FASTKD3: variants seen among roughly 807,000 people sequenced by gnomAD.
FASTKD3 encodes FAST kinase domains 3, also known as FAST kinase domain-containing protein 3, mitochondrial.
Under a neutral mutation model 49.7 loss-of-function variants are expected in FASTKD3, and 47 were observed. That is an observed-to-expected ratio of 0.95 (90% CI 0.75 to 1.21). The LOEUF is 1.21. FASTKD3 is among the 50% of genes most tolerant of loss of function. The pLI is 0.00. For synonymous variants in FASTKD3, 284 were observed against 288.6 expected (o/e 0.98, Z 0.16); for missense variants, 748 against 765.7 (o/e 0.98, Z 0.27).
Position 7,866,012 on chromosome 5 carries a change from T to TA in FASTKD3, c.1439-30dup, listed in dbSNP as rs755003199. The TA allele has an allele frequency of 1.9e-6, 3 of 1,542,200 alleles. No individual in the cohort carries two copies. In the South Asian group the frequency reaches 3.4e-5, roughly 17 times the overall value. On this transcript the variant is annotated intron_variant, in intron 2 of 6. Coordinates refer to ENST00000264669, the MANE Select transcript of FASTKD3 (RefSeq NM_024091.4). ...AAACAGAAAGCATCCCAGTCATAGTTACGTCTGAATTGAGGTATGTATGAG... is the reference window on the plus strand; with the variant it reads ...AAACAGAAAGCATCCCAGTCATAGTTAACGTCTGAATTGAGGTATGTATGAG...
Position 7,866,825 on chromosome 5 carries a change from T to C in FASTKD3, c.1259A>G (p.Tyr420Cys), listed in dbSNP as rs749691419. Reference protein sequence around the residue: ...ALMEPFGKLNYLPPNASALFR... With the variant: ...ALMEPFGKLNCLPPNASALFR... Reference sequence around the variant, plus strand: ...TAAAGCAGAGGCATTTGGTGGCAAATAATTGAGTTTCCCAAATGGTTCCAT... The same window carrying C: ...TAAAGCAGAGGCATTTGGTGGCAAACAATTGAGTTTCCCAAATGGTTCCAT... The change falls in exon 2 of 7, where the codon TAT (tyrosine) becomes TGT (cysteine). Residue 420 changes from tyrosine (Y) to cysteine (C), a missense_variant. Around this residue, in one of 3 missense-constraint regions of FASTKD3, gnomAD observed 564 missense variants for 562.8 expected, o/e 1.00. Coordinates refer to ENST00000264669, the MANE Select transcript of FASTKD3 (RefSeq NM_024091.4). 1.2e-6 allele frequency: 2 copies of C among 1,614,118 alleles called. No individual in the cohort carries two copies. The highest frequency in any genetic ancestry group is 1.7e-6 in the Non-Finnish European group (2 of 1,180,022).
intron 3 of FASTKD3, among the ~76,000 whole-genome samples, chr5:7,865,619 G>C (rs1364797251): frequency 6.6e-6 from 1 of 152,198 alleles, no homozygotes; most frequent in African/African-American, 2.4e-5. Flanking sequence ...CTAAAACCCT[G>C]TAAAACCTTC....
Position 7,867,235 on chromosome 5 carries a change from A to C in FASTKD3, c.849T>G (p.Phe283Leu), listed in dbSNP as rs775458114. ...TCAGGTTGGAAACTATTGATAGGGAAAAGTTGTTTATCTTATTTAAAAATG... is the reference window on the plus strand; with the variant it reads ...TCAGGTTGGAAACTATTGATAGGGACAAGTTGTTTATCTTATTTAAAAATG... ...HQTFLNKINN[F>L]SLSIVSNLSP... Residue 283 changes from phenylalanine to leucine, a missense_variant, in exon 2 of 7, where the codon TTT becomes TTG. Physicochemically the swap from Phe to Leu is conservative, Grantham distance 22 (BLOSUM62 0). Around this residue, in one of 3 missense-constraint regions of FASTKD3, gnomAD observed 564 missense variants for 562.8 expected, o/e 1.00. Transcript: ENST00000264669. 9 of 1,613,924 alleles carry C rather than the reference A, an allele frequency of 5.6e-6. No individual in the cohort carries two copies. Among genetic ancestry groups the C allele is most frequent in the Admixed American group, 1.7e-5 (1 of 60,000 alleles).
intron 5 of FASTKD3, 38 bp downstream of exon 5, chr5:7,861,545 G>T: frequency 2.1e-6 from 3 of 1,405,920 alleles, no homozygotes; most frequent in Non-Finnish European, 9.5e-7. Context: ...TAGCCTCAAC[G>T]AGTCTTGTAA....
In FASTKD3 at chr5:7,867,342, A is replaced by AT. The variant is rs1561110014; in HGVS notation, c.741dup (p.Leu248IlefsTer14). Reference sequence around the variant, plus strand: ...ATATCCTCCGGGGTAAATGTTTCCAATTTTTCACCTTGAAGTTGATTTATA... The same window carrying AT: ...ATATCCTCCGGGGTAAATGTTTCCAATTTTTTCACCTTGAAGTTGATTTATA... On this transcript the variant is annotated frameshift_variant, in exon 2 of 7. Coordinates refer to ENST00000264669, the MANE Select transcript of FASTKD3 (RefSeq NM_024091.4). LOFTEE classifies it high-confidence loss of function. The AT allele has an allele frequency of 1.9e-6, 3 of 1,614,062 alleles. No individual in the cohort carries two copies. In the East Asian group the frequency reaches 6.7e-5, roughly 36 times the overall value.
Position 7,865,893 on chromosome 5 carries a change from T to G in FASTKD3, c.1524+5A>C. On this transcript the variant is annotated splice_donor_5th_base_variant and intron_variant, in intron 3 of 6. Coordinates refer to ENST00000264669, the MANE Select transcript of FASTKD3 (RefSeq NM_024091.4). The stretch of plus-strand genomic sequence containing the variant: ...AATAAAGCCACATATAGTTCATGCT[T>G]TTACCTTATAGAAAGGGCATTCCAG... The G allele has an allele frequency of 6.2e-7, 1 of 1,611,544 alleles. No homozygotes were observed. The highest frequency in any genetic ancestry group is 8.5e-7 in the Non-Finnish European group (1 of 1,177,716).
Position 7,859,271 on chromosome 5 carries a change from A to G in FASTKD3, c.*164T>C. 1 of 398,626 alleles carries G rather than the reference A, an allele frequency of 2.5e-6. No individual in the cohort carries two copies. Among genetic ancestry groups the G allele is most frequent in the East Asian group, 3.7e-5 (1 of 26,854 alleles). The allele number at this position is 398,626 out of a possible 1,614,324, so 24.7% of individuals were successfully genotyped here. A position where few individuals can be genotyped will look rare whatever the true frequency, so the allele number is the denominator to read the frequency against. On this transcript the variant is annotated 3_prime_UTR_variant, in exon 7 of 7. Transcript: ENST00000264669. ...TAAATTAAAATTAATTTTAAATTTT[A>G]CCACAATAAATGTATACATAGTATA...
At chr5:7,865,077 C>T (rs1481214359) in intron 3 of FASTKD3, among the ~76,000 whole-genome samples, 2 of 151,810 alleles carry the variant, frequency 1.3e-5, no homozygotes, top group South Asian at 2.1e-4. Context: ...TGATATACTG[C>T]GCATAAAAGC....
At chr5:7,861,883 G>T in intron 4 of FASTKD3, 1 of 781,862 alleles carries the variant, frequency 1.3e-6, no homozygotes, top group Non-Finnish European at 1.8e-6. Context: ...CTAAACCACA[G>T]AATGGGTTCT....
intron 3 of FASTKD3, among the ~76,000 whole-genome samples, chr5:7,864,433 G>A (rs986106662): frequency 6.6e-6 from 1 of 151,922 alleles, no homozygotes; most frequent in Non-Finnish European, 1.5e-5. Context: ...AGACAGATTC[G>A]ACTACAGAAC....
At chr5:7,864,270 A>C (rs988964553) in intron 3 of FASTKD3, among the ~76,000 whole-genome samples, 1 of 147,770 alleles carries the variant, frequency 6.8e-6, no homozygotes, top group Non-Finnish European at 1.5e-5. Context: ...CAACATGAAC[A>C]TAATAAGTAT....
rs754287661 is a variant in FASTKD3, at chr5:7,868,974, C to A, written c.-114+5G>T. 4 of 825,208 alleles carry A rather than the reference C, an allele frequency of 4.8e-6. No individual in the cohort carries two copies. Among genetic ancestry groups the A allele is most frequent in the South Asian group, 2.7e-5 (2 of 72,936 alleles). The allele number at this position is 825,208 out of a possible 1,614,324, so 51.1% of individuals were successfully genotyped here. A position where few individuals can be genotyped will look rare whatever the true frequency, so the allele number is the denominator to read the frequency against. On this transcript the variant is annotated splice_donor_5th_base_variant and intron_variant, in intron 1 of 6. Coordinates refer to ENST00000264669, the MANE Select transcript of FASTKD3 (RefSeq NM_024091.4). ...ACTGCGCGGAGACCCCGCGTTGACA[C>A]CTACCGCGCTCTGCCGGGCAATCAC...
At position 7,866,721 on chromosome 5, in the gene FASTKD3, A is replaced by C. The variant is rs1246200685; in HGVS notation, c.1363T>G (p.Cys455Gly). ...PKSLLKLLHS[C>G]SLNECHPVNF... ...ACTGGATGGCATTCATTAAGTGAAC[A>C]TGAATGAAGAAGTTTCAATAATGAT... Residue 455 changes from cysteine (C) to glycine (G), a missense_variant, in exon 2 of 7, where the codon TGT becomes GGT. By Grantham distance (159) the Cys-to-Gly change is radical. Coordinates refer to ENST00000264669, the MANE Select transcript of FASTKD3 (RefSeq NM_024091.4). 2 of 1,613,402 alleles carry C rather than the reference A, an allele frequency of 1.2e-6. No homozygotes were observed. The highest frequency in any genetic ancestry group is 2.2e-5 in the East Asian group (1 of 44,900).
chr5:7,862,939 AG>A lies in FASTKD3; in HGVS notation c.1582del (p.Leu528TrpfsTer13). The A allele has an allele frequency of 6.2e-7, 1 of 1,614,104 alleles. No individual in the cohort carries two copies. On this transcript the variant is annotated frameshift_variant, in exon 4 of 7. Coordinates refer to ENST00000264669, the MANE Select transcript of FASTKD3 (RefSeq NM_024091.4). LOFTEE classifies it high-confidence loss of function. ...VKSFLTPCCS[L>X]ETPVDSQLYR... ...AAGCTGAGAATCCACAGGGGTCTCC[AG>A]GGAACAGCATGGGGTAAGAAATGAC...
At position 7,869,017 on chromosome 5, in the gene FASTKD3, G is replaced by A. The variant is rs1747330975; in HGVS notation, c.-152C>T. The A allele has an allele frequency of 1.6e-6, 2 of 1,242,824 alleles. No individual in the cohort carries two copies. The highest frequency in any genetic ancestry group is 2.4e-6 in the Non-Finnish European group (2 of 850,048). 77.0% of individuals were successfully genotyped at this position (1,242,824 alleles called of 1,614,324 possible). A position where few individuals can be genotyped will look rare whatever the true frequency, so the allele number is the denominator to read the frequency against. ...GCAATCACTCCGGGTGGTCGCGGAA[G>A]CGCCTGGGCGTCGTGGGCCTCCGTA... is the stretch of plus-strand genomic sequence containing the variant. On this transcript the variant is annotated 5_prime_UTR_variant, in exon 1 of 7. Transcript: ENST00000264669.
In FASTKD3 at chr5:7,861,526, G is replaced by A. The variant is rs1746534446; in HGVS notation, c.1769+57C>T. 4.8e-6 allele frequency: 6 copies of A among 1,247,258 alleles called. No individual in the cohort carries two copies. The East Asian group carries it at 7.8e-5, about 16-fold the overall frequency. 77.3% of individuals were successfully genotyped at this position (1,247,258 alleles called of 1,614,324 possible). ...TTCACCTTCTTGAGAAAAAGATACC[G>A]CTGCTTATTAGCCTCAACGAGTCTT... On this transcript the variant is annotated intron_variant, in intron 5 of 6. Coordinates refer to ENST00000264669, the MANE Select transcript of FASTKD3 (RefSeq NM_024091.4).
chr5:7,862,919 G>C lies in FASTKD3; in HGVS notation c.1603C>G (p.Gln535Glu). The change falls in exon 4 of 7, where the codon CAG (glutamine) becomes GAG (glutamate). Residue 535 changes from glutamine (Q) to glutamate (E), a missense_variant. By Grantham distance (29) the Gln-to-Glu change is conservative (BLOSUM62 2). Coordinates refer to ENST00000264669, the MANE Select transcript of FASTKD3 (RefSeq NM_024091.4). ...CCAATCTTCACATATCTATAAAGCT[G>C]AGAATCCACAGGGGTCTCCAGGGAA... ...CCSLETPVDS[Q>E]LYRYVKIGLT... 1 of 1,614,044 alleles carries C rather than the reference G, an allele frequency of 6.2e-7. No individual in the cohort carries two copies. The highest frequency in any genetic ancestry group is 8.5e-7 in the Non-Finnish European group (1 of 1,179,938).
Position 7,861,176 on chromosome 5 carries a change from T to C in FASTKD3, c.1857A>G (p.Leu619=), listed in dbSNP as rs1746507409. ...GAACAACTTGATAACCGAGTAACTG[T>C]AGGTGTCTTTGTTTAATAGCTTCTT... ...LGKEAIKQRH[L]QLLGYQVVQI... Residue 619 remains leucine, a synonymous_variant, in exon 6 of 7, where the codon CTA becomes CTG. Coordinates refer to ENST00000264669, the MANE Select transcript of FASTKD3 (RefSeq NM_024091.4). 5 of 1,610,994 alleles carry C rather than the reference T, an allele frequency of 3.1e-6. No homozygotes were observed. Among genetic ancestry groups the C allele is most frequent in the South Asian group, 1.1e-5 (1 of 90,712 alleles).
intron 1 of FASTKD3, among the ~76,000 whole-genome samples, 179 bp from the exon 2 acceptor site, chr5:7,868,375 AT>A (rs35116915): frequency 0.015 from 2,271 of 152,266 alleles, 29 homozygotes; most frequent in Non-Finnish European, 0.024. Flanking sequence ...TTTTACTATC[AT>A]TTTACACGAG....
Sources: gnomAD v4.1 joint callset for allele counts (sites outside exome capture counted in the v4.1 genomes callset) on GRCh38, gnomAD v4.1.1 for gene constraint, gnomAD v4.1.1 regional missense constraint, MANE v1.5 for transcripts, NCBI Gene and HGNC (gene_info 2026-07-23, HGNC 2026-07-21) for gene names.